The following HRH1 variants were observed in gnomAD, a reference collection of about 807,000 sequenced individuals.
HRH1 encodes histamine H1 receptor.
HRH1 carries 6 observed loss-of-function variants against 10.3 expected under a neutral mutation model. That is an observed-to-expected ratio of 0.58 (90% CI 0.32 to 1.15). The LOEUF is 1.15. Ranked by LOEUF, HRH1 falls within the 50% of genes most tolerant of loss-of-function variation. HRH1 has a pLI of 0.05. For synonymous variants in HRH1, 242 were observed against 236.7 expected (o/e 1.02, Z -0.21); for missense variants, 514 against 615.3 (o/e 0.84, Z 1.74).
At chr3:11,205,748 G>T (rs746586476) in intron 1 of HRH1, among the ~76,000 whole-genome samples, 4 of 150,158 alleles carry the variant, frequency 2.7e-5, no homozygotes, top group Non-Finnish European at 5.9e-5. Context: ...TGTAACCTCC[G>T]CCTCCCAGAT....
intron 1 of HRH1, among the ~76,000 whole-genome samples, chr3:11,242,030 C>T (rs988836369): frequency 2.0e-5 from 3 of 152,074 alleles, no homozygotes; most frequent in African/African-American, 4.8e-5. Flanking sequence ...AGGACAAAAA[C>T]GGAACATGGG....
intron 1 of HRH1, among the ~76,000 whole-genome samples, chr3:11,240,977 C>T (rs992114408): frequency 3.3e-5 from 5 of 152,128 alleles, no homozygotes; most frequent in African/African-American, 1.2e-4. Context: ...GAAAGGAATC[C>T]CAAACTCTCA....
intron 1 of HRH1, among the ~76,000 whole-genome samples, chr3:11,158,316 A>G (rs1161578004): frequency 6.6e-6 from 1 of 152,262 alleles, no homozygotes; most frequent in African/African-American, 2.4e-5. Context: ...CTGTATTTAT[A>G]CAGCACTCTG....
At chr3:11,170,723 C>T (rs1181148150) in intron 1 of HRH1, among the ~76,000 whole-genome samples, 1 of 152,216 alleles carries the variant, frequency 6.6e-6, no homozygotes, top group Non-Finnish European at 1.5e-5. Context: ...TTATCTCAGC[C>T]TGAAGACCCT....
rs565180548 is a variant in HRH1, at chr3:11,241,793, G to A, written c.-35-17210G>A. ...GGAGCTTGCAGTGAGCCGAGATGGC[G>A]CCACTGCATTCCAGCCTGGGGGACA... On this transcript the variant is annotated intron_variant, in intron 1 of 1. Transcript: ENST00000431010. Among the ~76,000 whole-genome samples the A allele has an allele frequency of 3.3e-5, 5 of 150,432 alleles. No individual in the cohort carries two copies. In the South Asian group the frequency reaches 8.4e-4, roughly 25 times the overall value.
chr3:11,254,300 C>T lies in HRH1; in HGVS notation c.-35-4703C>T, dbSNP rs74978289. Reference sequence around the variant, plus strand: ...TATCCTTCTCCATATGCTTCTCTTGCGGAAATTTTCAAGTCCCTCTTAGCA... The same window carrying T: ...TATCCTTCTCCATATGCTTCTCTTGTGGAAATTTTCAAGTCCCTCTTAGCA... On this transcript the variant is annotated intron_variant, in intron 1 of 1. Coordinates refer to ENST00000431010, the MANE Select transcript of HRH1 (RefSeq NM_001098212.2). Among the ~76,000 whole-genome samples, 1,330 of 152,220 alleles carry T rather than the reference C, an allele frequency of 8.7e-3. 107 individuals are homozygous for T. The East Asian group carries it at 0.19, about 22-fold the overall frequency.
chr3:11,151,982 C>G (rs1330342968), upstream of HRH1, among the ~76,000 whole-genome samples: 5 of 152,180 alleles, frequency 3.3e-5, no homozygotes, highest in Non-Finnish European at 7.3e-5. Flanking sequence ...TTGAGGTTGT[C>G]CCTTTTTTCT....
At chr3:11,140,146 C>G (rs1936263759) in intron 1 of HRH1, among the ~76,000 whole-genome samples, 1 of 152,206 alleles carries the variant, frequency 6.6e-6, no homozygotes, top group Non-Finnish European at 1.5e-5. Flanking sequence ...ACCCGCGCAG[C>G]TGTTCTTAGC....
exon 1 of HRH1, chr3:11,137,348 A>G (rs1348600265): frequency 6.6e-6 from 1 of 152,452 alleles, no homozygotes; most frequent in Admixed American, 6.5e-5. Flanking sequence ...GAAATGAACT[A>G]CAAGAAGCAA....
intron 1 of HRH1, among the ~76,000 whole-genome samples, chr3:11,244,454 GA>G (rs1216696222): frequency 1.3e-5 from 2 of 152,190 alleles, no homozygotes; most frequent in Non-Finnish European, 2.9e-5. Context: ...GAAAAACAAG[GA>G]AAGGTCAAGG....
intron 1 of HRH1, among the ~76,000 whole-genome samples, chr3:11,162,849 G>GGTTTT (rs529386049): frequency 4.9e-4 from 74 of 152,170 alleles, no homozygotes; most frequent in South Asian, 6.2e-4. Flanking sequence ...GTTATTCTTG[G>GGTTTT]GTTTTGTTTT....
At chr3:11,192,498 C>A (rs115177426) in intron 1 of HRH1, among the ~76,000 whole-genome samples, 2 of 152,066 alleles carry the variant, frequency 1.3e-5, no homozygotes, top group Non-Finnish European at 2.9e-5. Flanking sequence ...CAGGGTGCCC[C>A]ATTTGGGGTG....
intron 1 of HRH1, among the ~76,000 whole-genome samples, chr3:11,222,606 T>C (rs931004401): frequency 2.6e-5 from 4 of 152,026 alleles, no homozygotes; most frequent in Admixed American, 6.6e-5. Context: ...AGATAGCCAC[T>C]GAGAAGAAGA....
At chr3:11,154,163 C>T (rs1035437318), upstream of HRH1, among the ~76,000 whole-genome samples, 4 of 152,188 alleles carry the variant, frequency 2.6e-5, no homozygotes, top group Non-Finnish European at 5.9e-5. The surrounding 1 kb of genome is among the most constrained non-coding windows in gnomAD (Gnocchi z 4.4). Context: ...GGAGTTGTCT[C>T]ACCAAGGTTC....
At chr3:11,207,517 C>G (rs1032003757) in intron 1 of HRH1, among the ~76,000 whole-genome samples, 2 of 151,922 alleles carry the variant, frequency 1.3e-5, no homozygotes, top group African/African-American at 4.8e-5. Context: ...TGCAGTGAGC[C>G]GAGATCATGC....
intron 1 of HRH1, among the ~76,000 whole-genome samples, chr3:11,238,909 A>G (rs1286536157): frequency 6.6e-6 from 1 of 152,226 alleles, no homozygotes; most frequent in African/African-American, 2.4e-5. Flanking sequence ...ATCAAAATCC[A>G]TTCACCAGTT....
chr3:11,192,028 T>G (rs1194210528), intron 1 of HRH1, among the ~76,000 whole-genome samples: 1 of 152,180 alleles, frequency 6.6e-6, no homozygotes, highest in East Asian at 1.9e-4. Context: ...GAGCCCCCTG[T>G]CCCCTTGGGT....
chr3:11,237,760 C>T (rs1939226320), intron 1 of HRH1, among the ~76,000 whole-genome samples: 1 of 141,934 alleles, frequency 7.0e-6, no homozygotes. Context: ...ACTGCAACCT[C>T]TACCTCCCAG....
At chr3:11,206,026 T>C (rs1250711646) in intron 1 of HRH1, among the ~76,000 whole-genome samples, 1 of 152,080 alleles carries the variant, frequency 6.6e-6, no homozygotes, top group Non-Finnish European at 1.5e-5. Context: ...AGGCCCTGGA[T>C]GTCTGAGGTC....
Sources: gnomAD v4.1 joint callset for allele counts (sites outside exome capture counted in the v4.1 genomes callset) on GRCh38, gnomAD v4.1.1 for gene constraint, Gnocchi (gnomAD v3.1) non-coding constraint, MANE v1.5 for transcripts, NCBI Gene and HGNC (gene_info 2026-07-23, HGNC 2026-07-21) for gene names.